The following DCP1B variants were observed in gnomAD, a reference collection of about 807,000 sequenced individuals.
The protein encoded by DCP1B is mRNA-decapping enzyme 1B.
A neutral mutation model predicts 60.5 loss-of-function variants in DCP1B; 47 were observed. The observed-to-expected ratio is 0.78, with a 90% CI of 0.61 to 0.99. The LOEUF (loss-of-function observed/expected upper bound fraction) is 0.99, where lower values mean the gene tolerates loss of function less well. Ranked by LOEUF, DCP1B falls within the 50% of genes least tolerant of loss-of-function variation. The pLI is 0.00. For missense variants in DCP1B, 725 were observed against 756.8 expected (o/e 0.96, Z 0.49); for synonymous variants, 267 against 280.3 (o/e 0.95, Z 0.47).
intron 3 of DCP1B, chr12:1,991,179 G>C: frequency 2.2e-6 from 1 of 456,132 alleles, no homozygotes; most frequent in South Asian, 1.5e-5. Flanking sequence ...AAAAAGCAAC[G>C]GAAGTGAAAT....
chr12:1,981,601 G>A (rs11609051), intron 3 of DCP1B, among the ~76,000 whole-genome samples: 157 of 152,162 alleles, frequency 1.0e-3, no homozygotes, highest in Non-Finnish European at 1.7e-3. Context: ...TTCGTGCTAG[G>A]ATGGTAAACT....
chr12:1,944,302 A>G (rs531939879), downstream of DCP1B, among the ~76,000 whole-genome samples: 1 of 152,328 alleles, frequency 6.6e-6, no homozygotes, highest in Non-Finnish European at 1.5e-5. Flanking sequence ...AGAAATGGAA[A>G]AACATTCCAT....
chr12:1,952,161 C>T (rs2030695853), intron 7 of DCP1B, among the ~76,000 whole-genome samples: 1 of 152,130 alleles, frequency 6.6e-6, no homozygotes, highest in Non-Finnish European at 1.5e-5. Flanking sequence ...ATAGTAATAC[C>T]TTTTTCTTTG....
chr12:1,958,322 CT>C (rs1235185558), intron 5 of DCP1B, among the ~76,000 whole-genome samples: 1 of 147,124 alleles, frequency 6.8e-6, no homozygotes, highest in Non-Finnish European at 1.5e-5. Flanking sequence ...GAAAAGCTCC[CT>C]AACGTCGCTC....
intron 3 of DCP1B, among the ~76,000 whole-genome samples, chr12:1,978,546 A>G (rs2035114558): frequency 6.6e-6 from 1 of 152,220 alleles, no homozygotes; most frequent in Non-Finnish European, 1.5e-5. Context: ...AGAATCATTT[A>G]TGTACAAGAA....
chr12:1,955,194 C>T (rs1447262696), intron 6 of DCP1B, among the ~76,000 whole-genome samples: 1 of 152,124 alleles, frequency 6.6e-6, no homozygotes, highest in Non-Finnish European at 1.5e-5. Flanking sequence ...TTAAGGAGTT[C>T]AAGTTCACAA....
At chr12:1,994,822 G>A (rs1338456616) in intron 2 of DCP1B, among the ~76,000 whole-genome samples, 1 of 152,178 alleles carries the variant, frequency 6.6e-6, no homozygotes, top group Middle Eastern at 3.2e-3. Flanking sequence ...AGGCCCAGGG[G>A]ATAAATGTGC....
intron 3 of DCP1B, among the ~76,000 whole-genome samples, chr12:1,970,081 T>C (rs2031834463): frequency 6.6e-6 from 1 of 152,200 alleles, no homozygotes; most frequent in Non-Finnish European, 1.5e-5. Flanking sequence ...ATTTGCGGCA[T>C]TTGACATAAG....
Position 1,965,594 on chromosome 12 carries a change from T to C in DCP1B, c.486A>G (p.Leu162=). ...NSGEGKEVDI[L]RMLIKAKDEY... is the part of the protein sequence containing the mutation. ...CGTCTTTGGCCTTGATGAGCATTCG[T>C]AAAATGTCTACTTCTTTGCCCTCTC... Residue 162 remains leucine (L), a synonymous_variant, in exon 5 of 9, where the codon TTA becomes TTG. Coordinates refer to ENST00000280665, the MANE Select transcript of DCP1B (RefSeq NM_152640.5). 1 of 1,613,790 alleles carries C rather than the reference T, an allele frequency of 6.2e-7. No homozygotes were observed.
intron 3 of DCP1B, 105 bp from the exon 4 acceptor site, chr12:1,968,015 G>A: frequency 1.1e-6 from 1 of 887,484 alleles, no homozygotes. Context: ...GTGTTAAATT[G>A]ATTTATTCAA....
intron 3 of DCP1B, among the ~76,000 whole-genome samples, chr12:1,981,129 CT>C (rs1304456889): frequency 1.3e-5 from 2 of 152,128 alleles, no homozygotes; most frequent in African/African-American, 2.4e-5. Flanking sequence ...TCACAATCAC[CT>C]CTAGGAACTT....
chr12:1,955,502 G>A lies in DCP1B; in HGVS notation c.581C>T (p.Pro194Leu), dbSNP rs762561077. 4.3e-6 allele frequency: 7 copies of A among 1,613,882 alleles called. No individual in the cohort carries two copies. In the Admixed American group the frequency reaches 1.0e-4, roughly 23 times the overall value. ...ITSSSAIYDN[P>L]NLIKPIPVKP... ...CACTGGAATTGGTTTGATGAGATTT[G>A]GATTGTCATAGATGGCAGAGGAACT... Residue 194 changes from proline (P) to leucine (L), a missense_variant, in exon 6 of 9, where the codon CCA becomes CTA. Pro to Leu is a moderately conservative substitution (Grantham distance 98). Coordinates refer to ENST00000280665, the MANE Select transcript of DCP1B (RefSeq NM_152640.5).
At chr12:1,990,870 C>T (rs921783027) in intron 3 of DCP1B, among the ~76,000 whole-genome samples, 7 of 151,942 alleles carry the variant, frequency 4.6e-5, no homozygotes, top group Admixed American at 2.6e-4. Context: ...TCTGACAGCA[C>T]CTGTGGTAAA....
At position 1,948,373 on chromosome 12, in the gene DCP1B, T is replaced by C. The variant is rs953539345; in HGVS notation, c.1773+713A>G. ...GTACGAGCTCCGTGCCTCAGGCCAG[T>C]TGCTCAGCCTCAGTTTCCTTGTCTG... On this transcript the variant is annotated intron_variant, in intron 8 of 8. Coordinates refer to ENST00000280665, the MANE Select transcript of DCP1B (RefSeq NM_152640.5). The surrounding 1 kb of genome is among the most constrained non-coding windows in gnomAD (Gnocchi z 4.8). Among the ~76,000 whole-genome samples the C allele has an allele frequency of 6.6e-6, 1 of 152,208 alleles. No individual in the cohort carries two copies. The highest frequency in any genetic ancestry group is 6.5e-5 in the Admixed American group (1 of 15,286).
chr12:1,987,716 C>G (rs1261637245), intron 3 of DCP1B, among the ~76,000 whole-genome samples: 1 of 152,214 alleles, frequency 6.6e-6, no homozygotes, highest in Non-Finnish European at 1.5e-5. Flanking sequence ...AATTCACACA[C>G]AGATACACAC....
chr12:1,970,952 A>C, intron 3 of DCP1B: 1 of 522,992 alleles, frequency 1.9e-6, no homozygotes. Flanking sequence ...GTGGCACTGA[A>C]ATGTTACTGC....
At chr12:1,956,454 A>G (rs2030887925) in intron 5 of DCP1B, among the ~76,000 whole-genome samples, 3 of 152,208 alleles carry the variant, frequency 2.0e-5, no homozygotes, top group African/African-American at 7.2e-5. Flanking sequence ...GGAACCCAGC[A>G]TTCCCAATGT....
At position 1,953,175 on chromosome 12, in the gene DCP1B, C is replaced by T. The variant is rs902925569; in HGVS notation, c.765G>A (p.Gln255=). Residue 255 remains glutamine (Q), a synonymous_variant, in exon 7 of 9, where the codon CAG becomes CAA. Transcript: ENST00000280665. ...EPPQTLHQQQ[Q]QQQQQQEKLP... Reference sequence around the variant, plus strand: ...GCTTCTCTTGCTGCTGCTGCTGCTGCTGCTGCTGCTGGTGGAGAGTCTGCG... The same window carrying T: ...GCTTCTCTTGCTGCTGCTGCTGCTGTTGCTGCTGCTGGTGGAGAGTCTGCG... 1 of 1,612,650 alleles carries T rather than the reference C, an allele frequency of 6.2e-7. No homozygotes were observed. Among genetic ancestry groups the T allele is most frequent in the Admixed American group, 1.7e-5 (1 of 59,996 alleles).
At chr12:1,990,591 T>C (rs896108854) in intron 3 of DCP1B, among the ~76,000 whole-genome samples, 3 of 152,300 alleles carry the variant, frequency 2.0e-5, no homozygotes, top group Admixed American at 6.5e-5. Context: ...CAAACCTCTA[T>C]CAATTCTACC....
Sources: allele counts gnomAD v4.1 joint callset (sites outside exome capture counted in the v4.1 genomes callset), GRCh38; gene constraint gnomAD v4.1.1; non-coding constraint Gnocchi (gnomAD v3.1); transcripts MANE v1.5; gene names NCBI Gene and HGNC (gene_info 2026-07-23, HGNC 2026-07-21).